PPP4R3B: variants seen among roughly 807,000 people sequenced by gnomAD.
PPP4R3B encodes protein phosphatase 4 regulatory subunit 3B.
In PPP4R3B, 52 loss-of-function variants were observed where a neutral mutation model predicts 95.4. The ratio of observed to expected loss-of-function variants is 0.54; its 90% CI spans 0.44 to 0.69. PPP4R3B has a LOEUF of 0.69. Among genes scored for constraint, PPP4R3B ranks in the 30% least tolerant of loss-of-function variants. The pLI is 0.00. For synonymous variants in PPP4R3B, 407 were observed against 343.9 expected, an observed-to-expected ratio of 1.18 and a Z score of -2.03; for missense variants, 1,003 against 1,005.9, an observed-to-expected ratio of 1.00 and a Z score of 0.04.
chr2:55,591,497 A>G (rs946477500), intron 4 of PPP4R3B: 1 of 979,980 alleles, frequency 1.0e-6, no homozygotes, highest in Non-Finnish European at 1.2e-6. Flanking sequence ...GAGTAAGTAC[A>G]TATTTACCTC....
chr2:55,565,272 G>A (rs928513490), intron 13 of PPP4R3B, among the ~76,000 whole-genome samples: 1 of 149,858 alleles, frequency 6.7e-6, no homozygotes, highest in Non-Finnish European at 1.5e-5. Flanking sequence ...AAGAGCATTC[G>A]AAAAGTAAAT....
chr2:55,567,627 G>C (rs974885395), intron 13 of PPP4R3B, among the ~76,000 whole-genome samples: 2 of 152,108 alleles, frequency 1.3e-5, no homozygotes, highest in African/African-American at 2.4e-5. Flanking sequence ...TGTTGGCCAG[G>C]CTGGTCACGA....
At chr2:55,594,993 A>G (rs1049945947) in intron 4 of PPP4R3B, among the ~76,000 whole-genome samples, 2 of 151,902 alleles carry the variant, frequency 1.3e-5, no homozygotes, top group Non-Finnish European at 2.9e-5. Context: ...TCAGAGATAG[A>G]ATCTCAATTA....
intron 5 of PPP4R3B, 78 bp downstream of exon 5, chr2:55,588,801 A>T: frequency 2.3e-6 from 2 of 881,254 alleles, no homozygotes; most frequent in Non-Finnish European, 3.5e-6. Flanking sequence ...AATTGTCTCA[A>T]GTTAGCAAAT....
intron 15 of PPP4R3B, among the ~76,000 whole-genome samples, chr2:55,563,496 C>T (rs906865018): frequency 2.6e-5 from 4 of 152,180 alleles, no homozygotes; most frequent in African/African-American, 9.7e-5. Context: ...CCTCAGCCTT[C>T]CTAGTAGCTG....
At chr2:55,563,534 A>T (rs1397744580) in intron 15 of PPP4R3B, among the ~76,000 whole-genome samples, 1 of 152,068 alleles carries the variant, frequency 6.6e-6, no homozygotes, top group Non-Finnish European at 1.5e-5. Context: ...CACTGTGCCC[A>T]TTTAATTTTT....
intron 2 of PPP4R3B, among the ~76,000 whole-genome samples, chr2:55,612,900 C>T (rs893525146): frequency 3.2e-4 from 49 of 150,986 alleles, no homozygotes; most frequent in African/African-American, 7.1e-4. Context: ...GAGCAGAAAT[C>T]GCACCACCAC....
intron 4 of PPP4R3B, among the ~76,000 whole-genome samples, chr2:55,591,283 C>T (rs2054728): frequency 0.48 from 71,897 of 151,006 alleles, 18,258 homozygotes; most frequent in Non-Finnish European, 0.57. Context: ...ACTGCGGGCA[C>T]GTGCCACCAT....
intron 1 of PPP4R3B, 134 bp downstream of exon 1, chr2:55,617,010 C>G (rs1176608396): frequency 4.0e-6 from 4 of 989,708 alleles, no homozygotes; most frequent in Non-Finnish European, 4.4e-6. Context: ...TTGTTTTTGC[C>G]GTACACAAGA....
intron 10 of PPP4R3B, 111 bp downstream of exon 10, chr2:55,578,136 T>C: frequency 9.2e-7 from 1 of 1,085,066 alleles, no homozygotes; most frequent in East Asian, 3.3e-5. Flanking sequence ...ATAATATGTA[T>C]GACAGACATT....
intron 11 of PPP4R3B, among the ~76,000 whole-genome samples, chr2:55,576,323 G>A (rs1401611623): frequency 6.6e-6 from 1 of 152,066 alleles, no homozygotes; most frequent in Non-Finnish European, 1.5e-5. Flanking sequence ...ACTCTAGCCT[G>A]GGTGACAGAG....
At position 55,617,595 on chromosome 2, in the gene PPP4R3B, T is replaced by C. The variant is rs939800146; in HGVS notation, c.-310A>G. 34 of 269,108 alleles carry C rather than the reference T, an allele frequency of 1.3e-4. No homozygotes were observed. The highest frequency in any genetic ancestry group is 2.2e-4 in the Non-Finnish European group (31 of 141,200). The allele number at this position is 269,108 out of a possible 1,614,324, so 16.7% of individuals were successfully genotyped here. A position where few individuals can be genotyped will look rare whatever the true frequency, so the allele number is the denominator to read the frequency against. On this transcript the variant is annotated 5_prime_UTR_variant, in exon 1 of 17. Coordinates refer to ENST00000616407, the MANE Select transcript of PPP4R3B (RefSeq NM_001122964.3). Reference sequence around the variant, plus strand: ...TAACTACTACAGATCCGCCATCTTGTAACCCGACTCTCTCTGCCTTTCTCT... The same window carrying C: ...TAACTACTACAGATCCGCCATCTTGCAACCCGACTCTCTCTGCCTTTCTCT...
At chr2:55,560,784 A>G (rs1160390521) in intron 15 of PPP4R3B, among the ~76,000 whole-genome samples, 72 of 38,156 alleles carry the variant, frequency 1.9e-3, no homozygotes, top group Admixed American at 5.5e-3. Flanking sequence ...CTCAGAAAAA[A>G]AAAAAAAAAA....
intron 2 of PPP4R3B, 168 bp downstream of exon 2, chr2:55,615,283 A>C: frequency 3.4e-6 from 2 of 584,100 alleles, no homozygotes; most frequent in Non-Finnish European, 6.0e-6. Context: ...TCACCAGTAC[A>C]AAAACTTTTT....
At chr2:55,616,282 T>G (rs538249356) in intron 1 of PPP4R3B, among the ~76,000 whole-genome samples, 2 of 152,260 alleles carry the variant, frequency 1.3e-5, no homozygotes, top group South Asian at 4.1e-4. Context: ...CTTTCCTCAT[T>G]AAGAACAAAA....
At chr2:55,567,700 G>A (rs1300128508) in intron 13 of PPP4R3B, among the ~76,000 whole-genome samples, 1 of 152,184 alleles carries the variant, frequency 6.6e-6, no homozygotes. Flanking sequence ...ACAGACGTAA[G>A]CCACCACGCC....
chr2:55,607,461 A>G (rs6545509), intron 2 of PPP4R3B, among the ~76,000 whole-genome samples: 6,779 of 152,284 alleles, frequency 0.045, 171 homozygotes, highest in South Asian at 0.075. Context: ...AGCTCACAAA[A>G]TGCAGGGAAA....
chr2:55,561,053 T>C (rs1171179221), intron 15 of PPP4R3B, among the ~76,000 whole-genome samples: 1 of 151,636 alleles, frequency 6.6e-6, no homozygotes, highest in Non-Finnish European at 1.5e-5. Context: ...GAGGGAAAAA[T>C]GGTTTTGTGA....
intron 8 of PPP4R3B, 83 bp from the exon 9 acceptor site, chr2:55,579,864 G>A: frequency 4.0e-6 from 3 of 748,004 alleles, no homozygotes; most frequent in Non-Finnish European, 6.3e-6. Context: ...ACCTTTTCCA[G>A]AACCAAACCA....
Sources: allele counts gnomAD v4.1 joint callset (sites outside exome capture counted in the v4.1 genomes callset), GRCh38; gene constraint gnomAD v4.1.1; transcripts MANE v1.5; gene names NCBI Gene and HGNC (gene_info 2026-07-23, HGNC 2026-07-21).